The following LRMDA variants were observed in gnomAD, a reference collection of about 807,000 sequenced individuals.
The protein encoded by LRMDA is leucine-rich melanocyte differentiation-associated protein.
A neutral mutation model predicts 29.8 loss-of-function variants in LRMDA; 18 were observed. That is an observed-to-expected ratio of 0.60 (90% CI 0.42 to 0.90). The LOEUF (loss-of-function observed/expected upper bound fraction) is 0.90, where lower values mean the gene tolerates loss of function less well. Among genes scored for constraint, LRMDA ranks in the 40% least tolerant of loss-of-function variants. The pLI is 0.00. For missense variants in LRMDA, 273 were observed against 273.9 expected, an observed-to-expected ratio of 1.00 and a Z score of 0.02; for synonymous variants, 125 against 109.4, an observed-to-expected ratio of 1.14 and a Z score of -0.89.
chr10:75,869,397 G>A (rs1845072104), intron 2 of LRMDA, among the ~76,000 whole-genome samples: 1 of 152,324 alleles, frequency 6.6e-6, no homozygotes, highest in Middle Eastern at 3.4e-3. Flanking sequence ...TCTTGAGGGT[G>A]AGGGCACATT....
chr10:76,317,257 G>C (rs374291168), intron 5 of LRMDA, among the ~76,000 whole-genome samples: 1 of 152,086 alleles, frequency 6.6e-6, no homozygotes, highest in South Asian at 2.1e-4. Flanking sequence ...GAGGAATATA[G>C]GACATATCTC....
intron 2 of LRMDA, among the ~76,000 whole-genome samples, chr10:75,800,052 A>G (rs1462525246): frequency 6.6e-6 from 1 of 152,088 alleles, no homozygotes; most frequent in East Asian, 1.9e-4. Flanking sequence ...TCTTTCTTCA[A>G]GTTGAGTGGT....
chr10:76,311,624 T>G (rs1334050841), intron 5 of LRMDA, among the ~76,000 whole-genome samples: 2 of 152,210 alleles, frequency 1.3e-5, no homozygotes, highest in East Asian at 3.8e-4. Context: ...CATTCCAATT[T>G]ACTACCACGA....
intron 2 of LRMDA, among the ~76,000 whole-genome samples, chr10:75,977,095 G>A (rs891308234): frequency 1.3e-5 from 2 of 150,556 alleles, no homozygotes; most frequent in East Asian, 3.9e-4. Context: ...ACTAGATAGA[G>A]CCCTCTAGCT....
intron 2 of LRMDA, among the ~76,000 whole-genome samples, chr10:75,594,393 C>G (rs1484034731): frequency 6.6e-6 from 1 of 152,186 alleles, no homozygotes; most frequent in Admixed American, 6.5e-5. Context: ...AGGTTTAGCC[C>G]TTATTGAAAT....
At chr10:76,352,492 C>T (rs893308793) in intron 6 of LRMDA, among the ~76,000 whole-genome samples, 2 of 152,040 alleles carry the variant, frequency 1.3e-5, no homozygotes, top group African/African-American at 4.8e-5. Context: ...AGAATGGACA[C>T]ACTGGACATA....
At chr10:76,462,075 A>AC (rs201785857) in intron 6 of LRMDA, among the ~76,000 whole-genome samples, 5 of 69,970 alleles carry the variant, frequency 7.1e-5, no homozygotes, top group African/African-American at 1.9e-4. Context: ...AAAAAAAAAA[A>AC]ACCACACACA....
chr10:76,333,314 AG>A (rs1312674314), intron 6 of LRMDA, among the ~76,000 whole-genome samples: 3 of 152,184 alleles, frequency 2.0e-5, no homozygotes, highest in African/African-American at 7.2e-5. Flanking sequence ...AGCAGTATCC[AG>A]GGGTAATTGG....
In LRMDA at chr10:75,720,062, G is replaced by A. The variant is rs991521195; in HGVS notation, c.131+281568G>A. ...ACAAGAGAAACGGCAAACTTCTTGT[G>A]TTGTTTTCTACTTAACCCTGAATTA... On this transcript the variant is annotated intron_variant, in intron 2 of 6. Transcript: ENST00000611255. 5.3e-5 allele frequency among the ~76,000 whole-genome samples: 8 copies of A among 152,226 alleles called. No individual in the cohort carries two copies. In the East Asian group the frequency reaches 1.5e-3, roughly 29 times the overall value.
At chr10:75,556,946 TAAAA>T (rs889017347) in intron 2 of LRMDA, among the ~76,000 whole-genome samples, 2 of 150,450 alleles carry the variant, frequency 1.3e-5, no homozygotes, top group African/African-American at 4.9e-5. Context: ...ACTAAAATTC[TAAAA>T]AAAAACTTCA....
chr10:76,323,506 A>T (rs968750264), intron 5 of LRMDA, among the ~76,000 whole-genome samples: 5 of 152,204 alleles, frequency 3.3e-5, no homozygotes, highest in Non-Finnish European at 5.9e-5. Flanking sequence ...TATTAAAAAA[A>T]AAAGCTACAT....
intron 5 of LRMDA, among the ~76,000 whole-genome samples, chr10:76,204,386 C>G (rs773949612): frequency 6.6e-6 from 1 of 152,020 alleles, no homozygotes; most frequent in Non-Finnish European, 1.5e-5. Context: ...CATCTCTATT[C>G]CATATGCCTG....
intron 2 of LRMDA, among the ~76,000 whole-genome samples, chr10:75,910,589 T>C (rs1004474879): frequency 6.6e-6 from 1 of 152,238 alleles, no homozygotes. Flanking sequence ...ATGTAAAGGC[T>C]GGAAGTGGGG....
intron 2 of LRMDA, among the ~76,000 whole-genome samples, chr10:75,839,857 C>A (rs1370591634): frequency 6.6e-6 from 1 of 151,714 alleles, no homozygotes; most frequent in Non-Finnish European, 1.5e-5. Flanking sequence ...TACAGGCGCC[C>A]GCCACCGCGC....
chr10:75,663,349 G>C (rs933845498), intron 2 of LRMDA, among the ~76,000 whole-genome samples: 1 of 152,204 alleles, frequency 6.6e-6, no homozygotes, highest in African/African-American at 2.4e-5. Context: ...GAAGTCCTCT[G>C]TCTAGCAAAG....
chr10:76,529,875 G>A (rs1241991411), intron 6 of LRMDA, among the ~76,000 whole-genome samples: 1 of 152,160 alleles, frequency 6.6e-6, no homozygotes, highest in Non-Finnish European at 1.5e-5. Flanking sequence ...AGTAGTATGA[G>A]AATCCTCAGA....
At chr10:76,139,797 C>T (rs1850165986) in intron 5 of LRMDA, among the ~76,000 whole-genome samples, 1 of 152,022 alleles carries the variant, frequency 6.6e-6, no homozygotes, top group African/African-American at 2.4e-5. Flanking sequence ...TAAGAGTGCA[C>T]GTGTTATTCT....
chr10:76,361,553 T>G (rs147169676), intron 6 of LRMDA, among the ~76,000 whole-genome samples: 5 of 152,228 alleles, frequency 3.3e-5, no homozygotes, highest in African/African-American at 9.6e-5. Context: ...TTATCTACCA[T>G]TACATGCCAA....
intron 2 of LRMDA, among the ~76,000 whole-genome samples, chr10:75,917,906 T>C (rs1290565197): frequency 6.6e-6 from 1 of 152,004 alleles, no homozygotes; most frequent in Non-Finnish European, 1.5e-5. Flanking sequence ...CAGGGAAGGC[T>C]CACAGGCTGT....
Sources: allele counts gnomAD v4.1 joint callset (sites outside exome capture counted in the v4.1 genomes callset), GRCh38; gene constraint gnomAD v4.1.1; transcripts MANE v1.5; gene names NCBI Gene and HGNC (gene_info 2026-07-23, HGNC 2026-07-21).